LHX8: variants seen among roughly 807,000 people sequenced by gnomAD.
The protein encoded by LHX8 is LIM/homeobox protein Lhx8.
A neutral mutation model predicts 40.3 loss-of-function variants in LHX8; 12 were observed. The observed-to-expected ratio is 0.30, with a 90% CI of 0.19 to 0.48. The LOEUF is 0.48. LHX8 is among the 20% of genes least tolerant of loss of function. The pLI is 0.99. For synonymous variants in LHX8, 179 were observed against 162.0 expected (o/e 1.10, Z -0.80); for missense variants, 344 against 433.7 (o/e 0.79, Z 1.84).
At chr1:75,191,687 T>C in the LHX8 span, among the ~76,000 whole-genome samples, 14 of 152,270 alleles carry the variant, frequency 9.2e-5, no homozygotes, top group Admixed American at 3.3e-4. Context: ...TACTAAAACA[T>C]GTTAGAGGCA....
chr1:75,135,348 CT>C (rs1257452425), intron 1 of LHX8, among the ~76,000 whole-genome samples: 2 of 152,224 alleles, frequency 1.3e-5, no homozygotes, highest in African/African-American at 4.8e-5. Context: ...CGGGGCGCCC[CT>C]GACTATTTCT....
At position 75,155,265 on chromosome 1, in the gene LHX8, C is replaced by G. The variant is rs574909739; in HGVS notation, c.781-1628C>G. On this transcript the variant is annotated intron_variant, in intron 7 of 8. Coordinates refer to ENST00000356261, the MANE Select transcript of LHX8 (RefSeq NM_001256114.2). Reference sequence around the variant, plus strand: ...TTTTTTTTTTTTTGAGACGGAGTCTCGCTCTGTCGCCCAGCCTGGAGTGCA... The same window carrying G: ...TTTTTTTTTTTTTGAGACGGAGTCTGGCTCTGTCGCCCAGCCTGGAGTGCA... Among the ~76,000 whole-genome samples the G allele has an allele frequency of 9.9e-5, 12 of 121,706 alleles. No homozygotes were observed. In the Admixed American group the frequency reaches 1.2e-3, roughly 12 times the overall value. 79.8% of individuals were successfully genotyped at this position (121,706 alleles called of 152,430 possible). A position where few individuals can be genotyped will look rare whatever the true frequency, so the allele number is the denominator to read the frequency against.
At chr1:75,142,780 GTT>G (rs999034373) in intron 4 of LHX8, among the ~76,000 whole-genome samples, 10 of 152,040 alleles carry the variant, frequency 6.6e-5, no homozygotes, top group African/African-American at 2.4e-4. Flanking sequence ...GAGTATGTGT[GTT>G]TATCTTGATT....
intron 7 of LHX8, among the ~76,000 whole-genome samples, chr1:75,150,203 A>G (rs944403115): frequency 6.6e-6 from 1 of 152,138 alleles, no homozygotes; most frequent in African/African-American, 2.4e-5. Flanking sequence ...GTACCACTGC[A>G]CTCCAGCCTG....
chr1:75,181,590 C>T, the LHX8 span, among the ~76,000 whole-genome samples: 378 of 152,280 alleles, frequency 2.5e-3, 1 homozygote, highest in Middle Eastern at 0.014. Context: ...TCAATTTTCC[C>T]GGTACAGTCT....
At chr1:75,187,740 A>G in the LHX8 span, among the ~76,000 whole-genome samples, 5 of 152,304 alleles carry the variant, frequency 3.3e-5, no homozygotes, top group South Asian at 1.0e-3. Flanking sequence ...AAAACAAGAC[A>G]GCATGGGAGT....
the LHX8 span, among the ~76,000 whole-genome samples, chr1:75,189,044 G>A: frequency 1.3e-5 from 2 of 152,182 alleles, no homozygotes; most frequent in African/African-American, 2.4e-5. Context: ...ATCTTGGCCT[G>A]CTGTTTAGAA....
chr1:75,144,100 T>C (rs1025256183), intron 6 of LHX8, 152 bp downstream of exon 6: 3 of 668,354 alleles, frequency 4.5e-6, no homozygotes, highest in Non-Finnish European at 8.1e-6. Flanking sequence ...TATGAAAACA[T>C]ACTTATTGCC....
chr1:75,143,311 G>T lies in LHX8; in HGVS notation c.553G>T (p.Asp185Tyr). The T allele has an allele frequency of 3.1e-6, 5 of 1,611,170 alleles. No homozygotes were observed. Among genetic ancestry groups the T allele is most frequent in the Non-Finnish European group, 3.4e-6 (4 of 1,177,676 alleles). Residue 185 changes from aspartate to tyrosine, a missense_variant, in exon 5 of 9, where the codon GAT becomes TAT. This residue lies in a region of LHX8 where 147 missense variants were observed against 250.8 expected (regional missense o/e 0.59). Transcript: ENST00000356261. ...LCRVHYDCML[D>Y]NLKREVENGN... Reference sequence around the variant, plus strand: ...CAGAGTACATTATGACTGCATGCTGGATAATTTAAAAAGAGAAGTAGAAAA... The same window carrying T: ...CAGAGTACATTATGACTGCATGCTGTATAATTTAAAAAGAGAAGTAGAAAA...
In LHX8 at chr1:75,137,198, C is replaced by G; in HGVS notation, c.174C>G (p.Cys58Trp). The change falls in exon 3 of 9, where the codon TGC becomes TGG. Residue 58 changes from cysteine (C) to tryptophan (W), a missense_variant. By Grantham distance (215) the Cys-to-Trp change is radical (BLOSUM62 -2). Coordinates refer to ENST00000356261, the MANE Select transcript of LHX8 (RefSeq NM_001256114.2). ...GGTCCATGGCCTCGGGCTCCGGCTG[C>G]CCTCCTGGCAAGTGTGTGTGCAACA... is the stretch of plus-strand genomic sequence containing the variant. ...SPRSMASGSG[C>W]PPGKCVCNSC... The G allele has an allele frequency of 6.2e-7, 1 of 1,613,604 alleles. No homozygotes were observed. The highest frequency in any genetic ancestry group is 8.5e-7 in the Non-Finnish European group (1 of 1,179,990).
chr1:75,144,099 A>G, intron 6 of LHX8, 151 bp downstream of exon 6: 2 of 670,414 alleles, frequency 3.0e-6, no homozygotes, highest in Non-Finnish European at 5.4e-6. Flanking sequence ...ATATGAAAAC[A>G]TACTTATTGC....
At chr1:75,173,349 G>A in the LHX8 span, among the ~76,000 whole-genome samples, 3 of 149,856 alleles carry the variant, frequency 2.0e-5, no homozygotes, top group African/African-American at 7.4e-5. Flanking sequence ...TTAAATCCAG[G>A]TGGTTTAGCT....
At chr1:75,178,088 T>C in the LHX8 span, among the ~76,000 whole-genome samples, 1 of 152,230 alleles carries the variant, frequency 6.6e-6, no homozygotes, top group Non-Finnish European at 1.5e-5. Flanking sequence ...AGTATTTTAT[T>C]GAGGATTTTT....
chr1:75,136,570 T>C (rs1222798066), intron 1 of LHX8, 33 bp from the exon 2 acceptor site: 3 of 1,472,074 alleles, frequency 2.0e-6, no homozygotes, highest in Non-Finnish European at 2.8e-6. Context: ...TCTGATCTGT[T>C]TCTCCATACT....
At chr1:75,173,465 G>T in the LHX8 span, among the ~76,000 whole-genome samples, 1 of 136,710 alleles carries the variant, frequency 7.3e-6, no homozygotes, top group Non-Finnish European at 1.5e-5. Flanking sequence ...CTCACTGTAA[G>T]CTCCACCTCC....
At chr1:75,154,829 C>G (rs1342933152) in intron 7 of LHX8, among the ~76,000 whole-genome samples, 1 of 152,196 alleles carries the variant, frequency 6.6e-6, no homozygotes, top group Non-Finnish European at 1.5e-5. Flanking sequence ...CATTCCTTAG[C>G]TGCTACTTTT....
upstream of LHX8, among the ~76,000 whole-genome samples, chr1:75,133,265 A>C (rs1262114064): frequency 6.6e-6 from 1 of 152,190 alleles, no homozygotes; most frequent in African/African-American, 2.4e-5. Flanking sequence ...AGGAAAAACT[A>C]AATTTGTAGT....
chr1:75,132,780 C>A (rs971413138), upstream of LHX8: 1 of 152,312 alleles, frequency 6.6e-6, no homozygotes, highest in Non-Finnish European at 1.5e-5. Context: ...CACACACACA[C>A]ACACACACTG....
chr1:75,130,584 C>G, upstream of LHX8: 1 of 863,876 alleles, frequency 1.2e-6, no homozygotes, highest in South Asian at 1.3e-5. Context: ...CTTTTGGCGA[C>G]CTCCACTGGC....
Sources: allele counts gnomAD v4.1 joint callset (sites outside exome capture counted in the v4.1 genomes callset), GRCh38; gene constraint gnomAD v4.1.1; regional missense constraint gnomAD v4.1.1; transcripts MANE v1.5; gene names NCBI Gene and HGNC (gene_info 2026-07-23, HGNC 2026-07-21).